The following DOCK2 variants were observed in gnomAD, a reference collection of about 807,000 sequenced individuals.
DOCK2 encodes dedicator of cytokinesis protein 2.
In DOCK2, 87 loss-of-function variants were observed where a neutral mutation model predicts 248.9. That is an observed-to-expected ratio of 0.35 (90% CI 0.29 to 0.42). The LOEUF is 0.42. Among genes scored for constraint, DOCK2 ranks in the 10% least tolerant of loss-of-function variants. DOCK2 has a pLI of 1.00. For missense variants in DOCK2, 1,747 were observed against 2,300.2 expected, an observed-to-expected ratio of 0.76 and a Z score of 4.92; for synonymous variants, 805 against 821.6, an observed-to-expected ratio of 0.98 and a Z score of 0.35.
chr5:169,840,922 G>T, intron 27 of DOCK2, 70 bp downstream of exon 27: 2 of 1,512,906 alleles, frequency 1.3e-6, no homozygotes, highest in Non-Finnish European at 1.8e-6. Flanking sequence ...TTTCTGAAAA[G>T]GCAGATCACA....
At chr5:169,981,061 CCATGGCTGTTT>C (rs1777921150) in intron 27 of DOCK2, among the ~76,000 whole-genome samples, 2 of 152,144 alleles carry the variant, frequency 1.3e-5, no homozygotes, top group African/African-American at 4.8e-5. Flanking sequence ...TAGAAGGGCT[CCATGGCTGTTT>C]CAAAATTCTG....
At chr5:169,866,782 T>C (rs568382443) in intron 27 of DOCK2, among the ~76,000 whole-genome samples, 100 of 152,236 alleles carry the variant, frequency 6.6e-4, no homozygotes, top group African/African-American at 2.4e-3. Context: ...TGAAACCATG[T>C]TTTTCCTCTG....
chr5:169,745,039 G>A (rs1050681245), intron 22 of DOCK2, among the ~76,000 whole-genome samples: 4 of 152,194 alleles, frequency 2.6e-5, no homozygotes, highest in African/African-American at 9.6e-5. Context: ...AGCAGCCATG[G>A]TGATGGAATT....
Position 169,719,764 on chromosome 5 carries a change from C to A in DOCK2, c.2267+973C>A, listed in dbSNP as rs1413988354. On this transcript the variant is annotated intron_variant, in intron 22 of 51. Transcript: ENST00000520908. ...CTTGTTGTCCTAGCAAAACCCTATG[C>A]CAAGAACTGTTTTGGGTCTTGTATA... Among the ~76,000 whole-genome samples, 5 of 152,298 alleles carry A rather than the reference C, an allele frequency of 3.3e-5. No individual in the cohort carries two copies. In the East Asian group the frequency reaches 9.7e-4, roughly 29 times the overall value.
rs757787856 is a variant in DOCK2 at position 169,716,316 on chromosome 5, G to A, written c.2031+14G>A. 6 of 1,612,126 alleles carry A rather than the reference G, an allele frequency of 3.7e-6. No homozygotes were observed. Among genetic ancestry groups the A allele is most frequent in the Non-Finnish European group, 5.1e-6 (6 of 1,178,406 alleles). On this transcript the variant is annotated intron_variant, in intron 20 of 51. Transcript: ENST00000520908. The stretch of plus-strand genomic sequence containing the variant: ...TTTGATGCCTTGGTAAGAGAGAGGG[G>A]AAAAGTGTCTAGTGACAACAGGCAT...
intron 6 of DOCK2, among the ~76,000 whole-genome samples, chr5:169,675,956 G>A (rs1405447793): frequency 6.6e-6 from 1 of 152,144 alleles, no homozygotes; most frequent in East Asian, 1.9e-4. Context: ...ATCCTAAAGT[G>A]ACAGGAAGGG....
At chr5:169,801,991 G>A (rs1191083857) in intron 25 of DOCK2, among the ~76,000 whole-genome samples, 1 of 151,826 alleles carries the variant, frequency 6.6e-6, no homozygotes, top group Non-Finnish European at 1.5e-5. Flanking sequence ...AGCTCAAGCA[G>A]CATCTGAGTC....
chr5:170,040,581 CTT>C (rs1756479622), intron 36 of DOCK2: 1 of 176,292 alleles, frequency 5.7e-6, no homozygotes, highest in Admixed American at 5.6e-5. Context: ...GTTCATACTC[CTT>C]CAATGACACA....
Position 169,860,220 on chromosome 5 carries a change from A to C in DOCK2, c.2799+19368A>C, listed in dbSNP as rs374633155. Among the ~76,000 whole-genome samples, 4 of 151,960 alleles carry C rather than the reference A, an allele frequency of 2.6e-5. No individual in the cohort carries two copies. In the East Asian group the frequency reaches 5.8e-4, roughly 22 times the overall value. On this transcript the variant is annotated intron_variant, in intron 27 of 51. Transcript: ENST00000520908. ...AGCAATCCTCCTACCTTGGCTTCCCAAAGTGTTGGTATTACAGGTGTGAGC... is the reference window on the plus strand; with the variant it reads ...AGCAATCCTCCTACCTTGGCTTCCCCAAGTGTTGGTATTACAGGTGTGAGC...
chr5:169,845,185 C>T (rs1770230947), intron 27 of DOCK2, among the ~76,000 whole-genome samples: 2 of 149,794 alleles, frequency 1.3e-5, no homozygotes, highest in African/African-American at 4.9e-5. Flanking sequence ...CTTGCCCCTC[C>T]CTCTCTGTCA....
chr5:169,891,058 G>A (rs1773252936), intron 27 of DOCK2, among the ~76,000 whole-genome samples: 1 of 152,042 alleles, frequency 6.6e-6, no homozygotes, highest in South Asian at 2.1e-4. Context: ...ATGTCATCTG[G>A]CCCCTGTCTA....
In DOCK2 at chr5:169,807,833, C is replaced by CAAAAA. The variant is rs61670398; in HGVS notation, c.2703+4649_2703+4653dup. ...TGGGAGACAGAGCAAGACTCTGTCTCAAAAAAAAAAAAAAAAAAAAAAAAA... is the reference window on the plus strand; with the variant it reads ...TGGGAGACAGAGCAAGACTCTGTCTCAAAAAAAAAAAAAAAAAAAAAAAAAAAAAA... On this transcript the variant is annotated intron_variant, in intron 26 of 51. Coordinates refer to ENST00000520908, the MANE Select transcript of DOCK2 (RefSeq NM_004946.3). Among the ~76,000 whole-genome samples the CAAAAA allele has an allele frequency of 1.2e-3, 30 of 24,230 alleles. 4 individuals are homozygous for CAAAAA. The highest frequency in any genetic ancestry group is 4.0e-3 in the South Asian group (2 of 494). 15.9% of individuals were successfully genotyped at this position (24,230 alleles called of 152,430 possible). A position where few individuals can be genotyped will look rare whatever the true frequency, so the allele number is the denominator to read the frequency against.
chr5:169,670,704 T>C (rs1017741236), intron 4 of DOCK2, 107 bp downstream of exon 4: 1 of 1,328,554 alleles, frequency 7.5e-7, no homozygotes, highest in Non-Finnish European at 1.1e-6. Context: ...GCTCAGCTTA[T>C]CTTCTTTGTG....
chr5:169,922,287 C>T (rs926715804), intron 27 of DOCK2, among the ~76,000 whole-genome samples: 3 of 152,136 alleles, frequency 2.0e-5, no homozygotes, highest in Non-Finnish European at 4.4e-5. Flanking sequence ...GATGAAGGCT[C>T]AGAGAAGATG....
chr5:169,697,250 T>C (rs755273015), intron 10 of DOCK2, among the ~76,000 whole-genome samples: 17 of 152,224 alleles, frequency 1.1e-4, no homozygotes, highest in Admixed American at 5.2e-4. Context: ...CATGTCCTCA[T>C]GCTGGCTTAC....
chr5:169,782,432 C>A (rs1355345173), intron 25 of DOCK2, among the ~76,000 whole-genome samples: 1 of 151,724 alleles, frequency 6.6e-6, no homozygotes, highest in East Asian at 1.9e-4. Flanking sequence ...AGGCCTAAAG[C>A]TGACCAGTTA....
intron 27 of DOCK2, among the ~76,000 whole-genome samples, chr5:169,944,354 G>C (rs980341514): frequency 3.3e-5 from 5 of 152,232 alleles, no homozygotes; most frequent in East Asian, 1.9e-4. Context: ...GCAGGCAGAG[G>C]CATGTTCTAC....
intron 22 of DOCK2, among the ~76,000 whole-genome samples, chr5:169,737,785 G>A (rs1348868705): frequency 1.3e-5 from 2 of 152,316 alleles, no homozygotes; most frequent in South Asian, 2.1e-4. Context: ...GGGCATGGAA[G>A]CTCCGCATAC....
chr5:169,953,248 A>G (rs972732946), intron 27 of DOCK2, among the ~76,000 whole-genome samples: 2 of 151,430 alleles, frequency 1.3e-5, no homozygotes, highest in Admixed American at 1.3e-4. Flanking sequence ...CAGGAGAATC[A>G]CTTGAACCCA....
Sources: allele counts gnomAD v4.1 joint callset (sites outside exome capture counted in the v4.1 genomes callset), GRCh38; gene constraint gnomAD v4.1.1; transcripts MANE v1.5; gene names NCBI Gene and HGNC (gene_info 2026-07-23, HGNC 2026-07-21).